Variants in BRCA1 observed in about 807,000 individuals in gnomAD.
BRCA1 encodes BRCA1 DNA repair associated.
Under a neutral mutation model 173.7 loss-of-function variants are expected in BRCA1, and 140 were observed. The ratio of observed to expected loss-of-function variants is 0.81; its 90% CI spans 0.70 to 0.93. BRCA1 has a LOEUF of 0.93. Ranked by LOEUF, BRCA1 falls within the 40% of genes least tolerant of loss-of-function variation. The probability of loss-of-function intolerance (pLI) is 0.00; values close to 1 mark genes in which losing one functional copy is unlikely to be tolerated. For synonymous variants in BRCA1, 662 were observed against 756.0 expected, an observed-to-expected ratio of 0.88 and a Z score of 2.04; for missense variants, 1,983 against 2,172.5, an observed-to-expected ratio of 0.91 and a Z score of 1.73.
rs572319366 is a variant in BRCA1, at chr17:43,144,941, T to C, written c.-19-20826A>G. 285 of 591,082 alleles carry C rather than the reference T, an allele frequency of 4.8e-4. 5 individuals are homozygous for C. Among genetic ancestry groups the C allele is most frequent in the South Asian group, 4.2e-3 (277 of 66,182 alleles). The allele number at this position is 591,082 out of a possible 1,614,324, so 36.6% of individuals were successfully genotyped here. On this transcript the variant is annotated intron_variant, in intron 1 of 7. Transcript: ENST00000634433. ...GGCCAGCAGGCACCTGGCACCCACC[T>C]TCCCTGCTGCCAGGATGCCCAAGAA...
chr17:43,049,030 T>G (rs545179019), intron 21 of BRCA1, 91 bp downstream of exon 21: 2 of 1,242,074 alleles, frequency 1.6e-6, no homozygotes, highest in East Asian at 4.7e-5. Context: ...GAGGCTACAG[T>G]AGGGGCATCC....
intron 5 of BRCA1, 51 bp downstream of exon 5, chr17:43,104,816 GA>G: frequency 3.3e-6 from 5 of 1,497,398 alleles, no homozygotes; most frequent in Non-Finnish European, 4.7e-6. Context: ...CAAACTTCCT[GA>G]GTTTTCATGG....
intron 18 of BRCA1, among the ~76,000 whole-genome samples, chr17:43,061,266 A>AT (rs1032534767): frequency 1.3e-5 from 2 of 152,034 alleles, no homozygotes; most frequent in Non-Finnish European, 2.9e-5. Context: ...TCTCAGCTCA[A>AT]TTTTTTCAGA....
At chr17:43,161,730 A>C (rs2056237054) in intron 1 of BRCA1, 1 of 152,168 alleles carries the variant, frequency 6.6e-6, no homozygotes, top group Non-Finnish European at 1.5e-5. Context: ...TTTAGGACCC[A>C]GAAATTATCA....
intron 6 of BRCA1, among the ~76,000 whole-genome samples, chr17:43,102,499 G>C (rs2054531087): frequency 6.6e-6 from 1 of 151,608 alleles, no homozygotes; most frequent in Admixed American, 6.6e-5. Flanking sequence ...TGGGATTACA[G>C]GCACGTGCCA....
intron 18 of BRCA1, among the ~76,000 whole-genome samples, chr17:43,058,344 C>T (rs890170540): frequency 3.3e-5 from 5 of 151,496 alleles, no homozygotes; most frequent in African/African-American, 7.3e-5. Flanking sequence ...ACCACACTCC[C>T]GCCTGGGTGA....
At chr17:43,059,411 T>C (rs570221030) in intron 18 of BRCA1, among the ~76,000 whole-genome samples, 1 of 152,094 alleles carries the variant, frequency 6.6e-6, no homozygotes, top group East Asian at 1.9e-4. Context: ...TGGAGTGAGC[T>C]GAGATCGTGC....
At chr17:43,048,505 T>C (rs984139855) in intron 21 of BRCA1, among the ~76,000 whole-genome samples, 26 of 148,296 alleles carry the variant, frequency 1.8e-4, no homozygotes, top group Admixed American at 6.8e-4. Flanking sequence ...GCACCTAGCT[T>C]TTCTCTCTCT....
chr17:43,118,936 T>C (rs958419120), intron 2 of BRCA1, among the ~76,000 whole-genome samples: 1 of 152,064 alleles, frequency 6.6e-6, no homozygotes, highest in Non-Finnish European at 1.5e-5. Flanking sequence ...GCTAATTTTT[T>C]TGTATTTTTG....
chr17:43,112,308 G>A (rs932454856), intron 3 of BRCA1, among the ~76,000 whole-genome samples: 2 of 152,142 alleles, frequency 1.3e-5, no homozygotes, highest in South Asian at 2.1e-4. Context: ...GGCTGGTCTC[G>A]AACTCCTGAC....
intron 1 of BRCA1, among the ~76,000 whole-genome samples, chr17:43,147,215 A>C (rs1163126663): frequency 6.6e-6 from 1 of 150,808 alleles, no homozygotes; most frequent in African/African-American, 2.4e-5. Flanking sequence ...TTTGAGACAG[A>C]GTCTCGCTCT....
chr17:43,134,080 G>A (rs1229350434), intron 1 of BRCA1, among the ~76,000 whole-genome samples: 1 of 152,066 alleles, frequency 6.6e-6, no homozygotes, highest in East Asian at 1.9e-4. Context: ...ATCAAAAGTC[G>A]CCTCCTCCAG....
chr17:43,136,042 C>G (rs1443927097), intron 1 of BRCA1, among the ~76,000 whole-genome samples: 1 of 152,214 alleles, frequency 6.6e-6, no homozygotes, highest in African/African-American at 2.4e-5. Flanking sequence ...CCTGTAATTC[C>G]AGTACTTTGG....
chr17:43,105,035 G>A (rs1237383673), intron 4 of BRCA1, 79 bp from the exon 5 acceptor site: 1 of 1,169,650 alleles, frequency 8.5e-7, no homozygotes, highest in Non-Finnish European at 1.3e-6. Context: ...GAAAAGACAT[G>A]TAAACAAATA....
chr17:43,132,318 G>A (rs937803594), intron 1 of BRCA1, among the ~76,000 whole-genome samples: 4 of 152,040 alleles, frequency 2.6e-5, no homozygotes, highest in African/African-American at 9.7e-5. Context: ...GAAAAATGCT[G>A]ACTCGGTGGC....
intron 6 of BRCA1, among the ~76,000 whole-genome samples, chr17:43,100,928 G>A (rs561853157): frequency 4.0e-5 from 6 of 150,154 alleles, no homozygotes; most frequent in Non-Finnish European, 5.9e-5. Flanking sequence ...GACAGGTTTC[G>A]CCATGTTGGC....
intron 13 of BRCA1, among the ~76,000 whole-genome samples, chr17:43,075,101 G>A (rs1020680536): frequency 2.0e-5 from 3 of 151,640 alleles, no homozygotes; most frequent in Non-Finnish European, 2.9e-5. Context: ...AGAAAGAAAG[G>A]AGGAAAGAAT....
In BRCA1 at chr17:43,104,205, C is replaced by A. The variant is rs587782882; in HGVS notation, c.358G>T (p.Asp120Tyr). ...KENNSPEHLK[D>Y]EVSIIQSMGY... ...ATACTTTGGATGATAGAAACTTCAT[C>A]TTTTAGATGTTCAGGAGAGTTATTT... Residue 120 changes from aspartate (D) to tyrosine (Y), a missense_variant, in exon 6 of 23, where the codon GAT becomes TAT. By Grantham distance (160) the Asp-to-Tyr change is radical. Coordinates refer to ENST00000357654, the MANE Select transcript of BRCA1 (RefSeq NM_007294.4). 6.2e-7 allele frequency: 1 copy of A among 1,613,368 alleles called. No individual in the cohort carries two copies. Among genetic ancestry groups the A allele is most frequent in the Non-Finnish European group, 8.5e-7 (1 of 1,179,508 alleles).
intron 18 of BRCA1, among the ~76,000 whole-genome samples, chr17:43,060,433 C>T (rs2051698205): frequency 6.6e-6 from 1 of 151,820 alleles, no homozygotes; most frequent in Non-Finnish European, 1.5e-5. Context: ...GGGGATCTGC[C>T]TGCCTCGGCC....
Sources: gnomAD v4.1 joint callset for allele counts (sites outside exome capture counted in the v4.1 genomes callset) on GRCh38, gnomAD v4.1.1 for gene constraint, MANE v1.5 for transcripts, NCBI Gene and HGNC (gene_info 2026-07-23, HGNC 2026-07-21) for gene names.